Variants in HEATR1 observed in about 807,000 individuals in gnomAD.
HEATR1 encodes HEAT repeat containing 1, also known as HEAT repeat-containing protein 1.
HEATR1 carries 77 observed loss-of-function variants against 248.2 expected under a neutral mutation model. The observed-to-expected ratio is 0.31, with a 90% CI of 0.26 to 0.37. The LOEUF is 0.37. Among genes scored for constraint, HEATR1 ranks in the 10% least tolerant of loss-of-function variants. The pLI is 1.00. For missense variants in HEATR1, 2,420 were observed against 2,504.9 expected (o/e 0.97, Z 0.72); for synonymous variants, 897 against 923.1 (o/e 0.97, Z 0.51).
rs1885532 is a variant in HEATR1, at chr1:236,555,835, T to C, written c.5619A>G (p.Glu1873=). Residue 1873 remains glutamate (E), a synonymous_variant, in exon 39 of 45, where the codon GAA becomes GAG. Coordinates refer to ENST00000366582, the MANE Select transcript of HEATR1 (RefSeq NM_018072.6). ...HQSQLTAFFL[E]ALDFRAQHSE... ...AGTGCTGGGCTCGGAAGTCCAGGGC[T>C]TCCAGGAAAAAGGCGGTTAGCTGAG... The C allele has an allele frequency of 0.83, 1,341,144 of 1,613,324 alleles. 558,646 individuals are homozygous for C. The highest frequency in any genetic ancestry group is 0.95 in the East Asian group (42,694 of 44,874).
At chr1:236,566,241 C>G (rs74145393) in intron 30 of HEATR1, among the ~76,000 whole-genome samples, 196 bp from the exon 31 acceptor site, 212 of 152,278 alleles carry the variant, frequency 1.4e-3, no homozygotes, top group African/African-American at 4.9e-3. Context: ...AGGGCTTTAT[C>G]CAAACAATCA....
chr1:236,562,996 C>G (rs1380652823), intron 32 of HEATR1, among the ~76,000 whole-genome samples: 1 of 152,194 alleles, frequency 6.6e-6, no homozygotes, highest in Admixed American at 6.5e-5. Context: ...ACAACCTACA[C>G]TGATCTCTAG....
At position 236,572,838 on chromosome 1, in the gene HEATR1, TGAAG is replaced by T; in HGVS notation, c.3460-14_3460-11del. 1 of 1,606,048 alleles carries T rather than the reference TGAAG, an allele frequency of 6.2e-7. No homozygotes were observed. The highest frequency in any genetic ancestry group is 8.5e-7 in the Non-Finnish European group (1 of 1,172,758). On this transcript the variant is annotated splice_polypyrimidine_tract_variant and intron_variant, in intron 24 of 44. Transcript: ENST00000366582. ...CAGCATTAACGGAAATCTGAAATAT[TGAAG>T]GAAGAAGAGTTGATGATATAATCCA... is the stretch of plus-strand genomic sequence containing the variant.
intron 2 of HEATR1, 24 bp downstream of exon 2, chr1:236,603,930 T>G: frequency 6.3e-7 from 1 of 1,580,148 alleles, no homozygotes; most frequent in Non-Finnish European, 8.5e-7. Flanking sequence ...TCCAAGAGCT[T>G]TTCTAAGTTA....
intron 26 of HEATR1, 61 bp downstream of exon 26, chr1:236,572,350 A>C (rs1220502976): frequency 1.3e-6 from 2 of 1,513,480 alleles, no homozygotes; most frequent in East Asian, 4.5e-5. Flanking sequence ...AGAGAATGTT[A>C]GATAAGATGG....
intron 8 of HEATR1, among the ~76,000 whole-genome samples, chr1:236,594,837 G>A (rs566129261): frequency 1.1e-4 from 17 of 151,944 alleles, no homozygotes; most frequent in Middle Eastern, 3.4e-3. Flanking sequence ...TCACTCTGTC[G>A]CCCAGGCTGA....
At chr1:236,592,666 A>G (rs755250206) in intron 9 of HEATR1, 33 bp from the exon 10 acceptor site, 20 of 853,042 alleles carry the variant, frequency 2.3e-5, no homozygotes, top group Non-Finnish European at 3.0e-5. Context: ...ATCAGCATAC[A>G]TAAGAGTTAC....
At chr1:236,556,347 A>G in intron 37 of HEATR1, 89 bp from the exon 38 acceptor site, 2 of 1,344,296 alleles carry the variant, frequency 1.5e-6, no homozygotes, top group Non-Finnish European at 2.1e-6. Flanking sequence ...ATGAGGTACT[A>G]GTGTTTGGAA....
At chr1:236,561,185 C>A in intron 33 of HEATR1, 40 bp downstream of exon 33, 2 of 1,402,416 alleles carry the variant, frequency 1.4e-6, no homozygotes, top group South Asian at 2.3e-5. Flanking sequence ...AGTTTGAAGT[C>A]ATTTCCAAAT....
intron 31 of HEATR1, among the ~76,000 whole-genome samples, 165 bp downstream of exon 31, chr1:236,565,754 A>G (rs1663251796): frequency 6.6e-6 from 1 of 152,228 alleles, no homozygotes; most frequent in African/African-American, 2.4e-5. Context: ...GGCAAATGGA[A>G]TTCCGACTAT....
intron 25 of HEATR1, 38 bp downstream of exon 25, chr1:236,572,687 G>A: frequency 6.3e-7 from 1 of 1,598,534 alleles, no homozygotes; most frequent in African/African-American, 1.3e-5. Flanking sequence ...CAGAGTCAGG[G>A]AACAACAGCA....
At chr1:236,571,764 AGAACTCATTCAATAAG>A (rs112269904) in intron 26 of HEATR1, 78 bp from the exon 27 acceptor site, 39,110 of 969,084 alleles carry the variant, frequency 0.04, 1,754 homozygotes, top group African/African-American at 0.14. Context: ...GCCATTGTCC[AGAACTCATTCAATAAG>A]GAACTCATTC....
rs1239364868 is a variant in HEATR1, at chr1:236,597,977, T to A, written c.504A>T (p.Gln168His). ...HRWFWLLPVK[Q>H]SGVPLAKGTL... Reference sequence around the variant, plus strand: ...TTCCTTTAGCTAACGGCACTCCAGATTGCTGTTATTGATGGAAAGAACAAA... The same window carrying A: ...TTCCTTTAGCTAACGGCACTCCAGAATGCTGTTATTGATGGAAAGAACAAA... Residue 168 changes from glutamine to histidine, a missense_variant and splice_region_variant, in exon 5 of 45, where the codon CAA becomes CAT. Coordinates refer to ENST00000366582, the MANE Select transcript of HEATR1 (RefSeq NM_018072.6). 1.2e-6 allele frequency: 2 copies of A among 1,604,188 alleles called. No individual in the cohort carries two copies. Among genetic ancestry groups the A allele is most frequent in the East Asian group, 2.2e-5 (1 of 44,796 alleles).
intron 44 of HEATR1, 187 bp from the exon 45 acceptor site, chr1:236,551,177 A>G: frequency 1.8e-6 from 1 of 550,332 alleles, no homozygotes; most frequent in Non-Finnish European, 3.2e-6. Flanking sequence ...TTCCGCCTTC[A>G]TTCCTTGCCC....
Position 236,587,509 on chromosome 1 carries a change from C to A in HEATR1, c.1627-19G>T, listed in dbSNP as rs546017379. 1.5e-6 allele frequency: 2 copies of A among 1,308,142 alleles called. No individual in the cohort carries two copies. Among genetic ancestry groups the A allele is most frequent in the Non-Finnish European group, 2.1e-6 (2 of 953,718 alleles). 81.0% of individuals were successfully genotyped at this position (1,308,142 alleles called of 1,614,324 possible). On this transcript the variant is annotated intron_variant, in intron 13 of 44. Coordinates refer to ENST00000366582, the MANE Select transcript of HEATR1 (RefSeq NM_018072.6). ...TGAAAATCTAAAGGGAAAAAAATATCCAGAGTAGATTTGTACTTGCTTCAA... is the reference window on the plus strand; with the variant it reads ...TGAAAATCTAAAGGGAAAAAAATATACAGAGTAGATTTGTACTTGCTTCAA...
intron 5 of HEATR1, among the ~76,000 whole-genome samples, chr1:236,597,256 ATTTT>A (rs10581442): frequency 8.7e-5 from 12 of 138,250 alleles, no homozygotes; most frequent in East Asian, 2.1e-4. Context: ...TTAAAAAAAA[ATTTT>A]TTTTTTTTTT....
In HEATR1 at chr1:236,550,784, A is replaced by C; in HGVS notation, c.*118T>G. 2 of 722,652 alleles carry C rather than the reference A, an allele frequency of 2.8e-6. No homozygotes were observed. The highest frequency in any genetic ancestry group is 5.1e-4 in the Middle Eastern group (2 of 3,954). 44.8% of individuals were successfully genotyped at this position (722,652 alleles called of 1,614,324 possible). A position where few individuals can be genotyped will look rare whatever the true frequency, so the allele number is the denominator to read the frequency against. On this transcript the variant is annotated 3_prime_UTR_variant, in exon 45 of 45. Transcript: ENST00000366582. ...TGTAAAGAAGTGATAAAACATTTGT[A>C]AGTAATCCAAGTAGGTGTATTAAGG...
chr1:236,586,113 T>C (rs1298958280), intron 15 of HEATR1, 128 bp downstream of exon 15: 1 of 1,234,230 alleles, frequency 8.1e-7, no homozygotes, highest in East Asian at 2.6e-5. Flanking sequence ...TGTATACTTT[T>C]TATCTTGGCA....
intron 43 of HEATR1, chr1:236,553,017 A>G (rs1234581408): frequency 1.3e-5 from 2 of 152,232 alleles, no homozygotes; most frequent in Non-Finnish European, 2.9e-5. Flanking sequence ...TAAAGTTCTA[A>G]TACAATCATT....
Sources: gnomAD v4.1 joint callset for allele counts (sites outside exome capture counted in the v4.1 genomes callset) on GRCh38, gnomAD v4.1.1 for gene constraint, MANE v1.5 for transcripts, NCBI Gene and HGNC (gene_info 2026-07-23, HGNC 2026-07-21) for gene names.